Variants in ZKSCAN7 observed in about 807,000 individuals in gnomAD.
ZKSCAN7 encodes the protein zinc finger protein with KRAB and SCAN domains 7.
A neutral mutation model predicts 65.3 loss-of-function variants in ZKSCAN7; 38 were observed. The ratio of observed to expected loss-of-function variants is 0.58; its 90% CI spans 0.45 to 0.76. ZKSCAN7 has a LOEUF of 0.76. Among genes scored for constraint, ZKSCAN7 ranks in the 30% least tolerant of loss-of-function variants. ZKSCAN7 has a pLI of 0.00. For missense variants in ZKSCAN7, 815 were observed against 913.3 expected, an observed-to-expected ratio of 0.89 and a Z score of 1.39; for synonymous variants, 321 against 321.0, an observed-to-expected ratio of 1.00 and a Z score of 0.00.
chr3:44,559,052 C>G (rs1315549297), intron 2 of ZKSCAN7, among the ~76,000 whole-genome samples: 1 of 152,070 alleles, frequency 6.6e-6, no homozygotes, highest in Admixed American at 6.6e-5. Context: ...ACTGCGATTA[C>G]AGGCATGAGC....
intron 4 of ZKSCAN7, 136 bp downstream of exon 4, chr3:44,568,139 T>C: frequency 1.3e-6 from 2 of 1,536,894 alleles, no homozygotes; most frequent in Non-Finnish European, 1.8e-6. Context: ...CCCCTGGAGG[T>C]AATGGACTCT....
At chr3:44,567,221 G>C (rs1699662366) in intron 3 of ZKSCAN7, among the ~76,000 whole-genome samples, 1 of 151,732 alleles carries the variant, frequency 6.6e-6, no homozygotes, top group Non-Finnish European at 1.5e-5. Context: ...CAAAAGAAAA[G>C]AAAGGAAAGG....
At chr3:44,559,695 G>A (rs556190650) in intron 2 of ZKSCAN7, among the ~76,000 whole-genome samples, 4 of 152,214 alleles carry the variant, frequency 2.6e-5, no homozygotes, top group South Asian at 4.2e-4. Context: ...CCAAAGTGCT[G>A]GAATTACAGG....
intron 5 of ZKSCAN7, among the ~76,000 whole-genome samples, chr3:44,577,695 G>A (rs919064251): frequency 6.6e-6 from 1 of 152,122 alleles, no homozygotes; most frequent in Non-Finnish European, 1.5e-5. Flanking sequence ...CCCCACTGCT[G>A]GCCTAATTTT....
At position 44,571,505 on chromosome 3, in the gene ZKSCAN7, C is replaced by G; in HGVS notation, c.*130C>G. The G allele has an allele frequency of 6.3e-7, 1 of 1,581,580 alleles. No homozygotes were observed. Among genetic ancestry groups the G allele is most frequent in the Non-Finnish European group, 8.6e-7 (1 of 1,168,454 alleles). ...TCCCTACTTGCTTTTCCTTGGATCA[C>G]TAAGGTGGGAGAGTAGGAGTAACTT... On this transcript the variant is annotated 3_prime_UTR_variant, in exon 6 of 6. Transcript: ENST00000426540.
intron 2 of ZKSCAN7, among the ~76,000 whole-genome samples, chr3:44,564,502 C>T (rs532109672): frequency 6.6e-6 from 1 of 152,250 alleles, no homozygotes; most frequent in South Asian, 2.1e-4. Flanking sequence ...GAAACATAGA[C>T]AATAAAGACA....
chr3:44,560,506 CTTTTTT>C (rs33986362), intron 2 of ZKSCAN7, among the ~76,000 whole-genome samples: 2 of 108,402 alleles, frequency 1.8e-5, no homozygotes, highest in African/African-American at 3.9e-5. Context: ...TTTCCTGTAT[CTTTTTT>C]TTTTTTTTTT....
chr3:44,581,544 T>C (rs1383924696), intron 5 of ZKSCAN7, among the ~76,000 whole-genome samples: 1 of 152,342 alleles, frequency 6.6e-6, no homozygotes, highest in East Asian at 1.9e-4. Context: ...CACATATTTC[T>C]GAAAAATATT....
At chr3:44,568,150 A>G (rs937491316) in intron 4 of ZKSCAN7, 147 bp downstream of exon 4, 46 of 1,537,278 alleles carry the variant, frequency 3.0e-5, no homozygotes, top group African/African-American at 1.8e-4. Flanking sequence ...AATGGACTCT[A>G]TCTTGCCCTG....
At chr3:44,580,149 G>A in intron 5 of ZKSCAN7, 2 of 1,611,190 alleles carry the variant, frequency 1.2e-6, no homozygotes, top group Non-Finnish European at 1.7e-6. Flanking sequence ...CCTGTGGTTG[G>A]GGGTGCTGGG....
chr3:44,561,148 G>A (rs1228154275), intron 2 of ZKSCAN7, among the ~76,000 whole-genome samples: 1 of 152,174 alleles, frequency 6.6e-6, no homozygotes, highest in Non-Finnish European at 1.5e-5. Flanking sequence ...AAGAAAAGAG[G>A]TTTAATTGGC....
At chr3:44,555,774 A>AT (rs1699272190) in intron 1 of ZKSCAN7, among the ~76,000 whole-genome samples, 7 of 152,246 alleles carry the variant, frequency 4.6e-5, no homozygotes, top group African/African-American at 1.4e-4. Context: ...AGAGATTGAG[A>AT]CACAGGGATC....
In ZKSCAN7 at chr3:44,571,864, T is replaced by C. The variant is rs1699816551; in HGVS notation, c.*489T>C. ...TGTTCCCTATCTAGAAAACATTTTCTTCTGTTTGCTAATCTTTGTCCCTCA... is the reference window on the plus strand; with the variant it reads ...TGTTCCCTATCTAGAAAACATTTTCCTCTGTTTGCTAATCTTTGTCCCTCA... On this transcript the variant is annotated 3_prime_UTR_variant, in exon 6 of 6. Transcript: ENST00000426540. 2.0e-6 allele frequency: 2 copies of C among 987,958 alleles called. No homozygotes were observed. The highest frequency in any genetic ancestry group is 1.7e-5 in the African/African-American group (1 of 57,264). 61.2% of individuals were successfully genotyped at this position (987,958 alleles called of 1,614,324 possible). A position where few individuals can be genotyped will look rare whatever the true frequency, so the allele number is the denominator to read the frequency against.
rs150695245 is a variant in ZKSCAN7, at chr3:44,564,088, G to A, written c.424-1399G>A. Among the ~76,000 whole-genome samples, 240 of 152,310 alleles carry A rather than the reference G, an allele frequency of 1.6e-3. 2 individuals carry two copies. Among genetic ancestry groups the A allele is most frequent in the African/African-American group, 5.6e-3 (234 of 41,554 alleles). On this transcript the variant is annotated intron_variant, in intron 2 of 5. Transcript: ENST00000426540. Reference sequence around the variant, plus strand: ...TTATTTTTACCTCATGCTGTGCTATGTACATACCAGAGCAAGTGAACTTTA... The same window carrying A: ...TTATTTTTACCTCATGCTGTGCTATATACATACCAGAGCAAGTGAACTTTA...
chr3:44,557,950 A>C (rs964224440), intron 2 of ZKSCAN7, among the ~76,000 whole-genome samples: 6 of 152,146 alleles, frequency 3.9e-5, no homozygotes, highest in African/African-American at 1.2e-4. Context: ...TCCAAACCTA[A>C]CTGGGATCTT....
At position 44,567,979 on chromosome 3, in the gene ZKSCAN7, T is replaced by C; in HGVS notation, c.660T>C (p.Thr220=). ...ACTCAGGAGACCAAGCAGGGGCAAC[T>C]GTACTTCGGATGGTCAGGCCCCAGG... ...VGNSGDQAGA[T]VLRMVRPQDT... is the part of the protein sequence containing the mutation. The change falls in exon 4 of 6, where the codon ACT becomes ACC. Residue 220 remains threonine, a synonymous_variant. Coordinates refer to ENST00000426540, the MANE Select transcript of ZKSCAN7 (RefSeq NM_001288590.2). 1 of 1,445,384 alleles carries C rather than the reference T, an allele frequency of 6.9e-7. No homozygotes were observed. Among genetic ancestry groups the C allele is most frequent in the South Asian group, 1.3e-5 (1 of 79,114 alleles). The allele number at this position is 1,445,384 out of a possible 1,614,324, so 89.5% of individuals were successfully genotyped here. A position where few individuals can be genotyped will look rare whatever the true frequency, so the allele number is the denominator to read the frequency against.
intron 5 of ZKSCAN7, chr3:44,580,439 G>T: frequency 6.2e-7 from 1 of 1,600,968 alleles, no homozygotes; most frequent in Non-Finnish European, 8.5e-7. Context: ...GTGTGGACTT[G>T]GTGGTGGGGA....
At chr3:44,575,908 A>G (rs1234177380), downstream of ZKSCAN7, among the ~76,000 whole-genome samples, 1 of 152,056 alleles carries the variant, frequency 6.6e-6, no homozygotes, top group Non-Finnish European at 1.5e-5. Context: ...TAAAGTTCAG[A>G]AGTAGATTCA....
In ZKSCAN7 at chr3:44,569,968, A is replaced by T. The variant is rs749028763; in HGVS notation, c.858A>T (p.Glu286Asp). Reference sequence around the variant, plus strand: ...GTTCAGAGTTGACTCCAAAGCAGGAATTTTTTAAAGGATCAGAGTCATCTA... The same window carrying T: ...GTTCAGAGTTGACTCCAAAGCAGGATTTTTTTAAAGGATCAGAGTCATCTA... ...MKGSELTPKQ[E>D]FFKGSESSNR... The change falls in exon 6 of 6, where the codon GAA becomes GAT. Residue 286 changes from glutamate (E) to aspartate (D), a missense_variant. Glu to Asp is a conservative substitution (Grantham distance 45). Around this residue, in one of 3 missense-constraint regions of ZKSCAN7, gnomAD observed 578 missense variants for 629.5 expected, o/e 0.92. Transcript: ENST00000426540. The T allele has an allele frequency of 3.8e-6, 6 of 1,573,662 alleles. No homozygotes were observed. The highest frequency in any genetic ancestry group is 4.3e-6 in the Non-Finnish European group (5 of 1,164,306).
Sources: gnomAD v4.1 joint callset for allele counts (sites outside exome capture counted in the v4.1 genomes callset) on GRCh38, gnomAD v4.1.1 for gene constraint, gnomAD v4.1.1 regional missense constraint, MANE v1.5 for transcripts, NCBI Gene and HGNC (gene_info 2026-07-23, HGNC 2026-07-21) for gene names.